The following DAO variants were observed in gnomAD, a reference collection of about 807,000 sequenced individuals.
DAO encodes the protein D-amino acid oxidase.
In DAO, 51 loss-of-function variants were observed where a neutral mutation model predicts 50.1. That is an observed-to-expected ratio of 1.02 (90% CI 0.81 to 1.29). The LOEUF (loss-of-function observed/expected upper bound fraction) is 1.29. DAO is among the 50% of genes most tolerant of loss of function. The pLI is 0.00. For synonymous variants in DAO, 160 were observed against 166.2 expected (o/e 0.96, Z 0.29); for missense variants, 436 against 439.4 (o/e 0.99, Z 0.07).
In DAO at chr12:108,897,042, C is replaced by T. The variant is rs1462805182; in HGVS notation, c.649C>T (p.His217Tyr). The T allele has an allele frequency of 6.2e-7, 1 of 1,614,058 alleles. No individual in the cohort carries two copies. Among genetic ancestry groups the T allele is most frequent in the Non-Finnish European group, 8.5e-7 (1 of 1,179,962 alleles). Reference protein sequence around the residue: ...APWMKHFILTHDPERGIYNSP... With the variant: ...APWMKHFILTYDPERGIYNSP... ...TTGGATGAAGCACTTCATTCTCACC[C>T]ATGACCCAGAGAGAGGCATCTACAA... The change falls in exon 8 of 11, where the codon CAT becomes TAT. Residue 217 changes from histidine (H) to tyrosine (Y), a missense_variant. Physicochemically the swap from His to Tyr is moderately conservative, Grantham distance 83. Coordinates refer to ENST00000228476, the MANE Select transcript of DAO (RefSeq NM_001917.5).
intron 2 of DAO, among the ~76,000 whole-genome samples, chr12:108,885,911 C>T (rs373856008): frequency 3.3e-5 from 5 of 152,252 alleles, no homozygotes; most frequent in African/African-American, 7.2e-5. Flanking sequence ...TCTGCCACCA[C>T]GCCTGGCTAA....
At chr12:108,889,728 G>A (rs1340743992) in intron 4 of DAO, among the ~76,000 whole-genome samples, 183 bp downstream of exon 4, 2 of 152,090 alleles carry the variant, frequency 1.3e-5, no homozygotes, top group Non-Finnish European at 2.9e-5. Flanking sequence ...CTTGGGCTGG[G>A]AAGGTAGGGG....
intron 5 of DAO, 99 bp downstream of exon 5, chr12:108,890,372 G>A: frequency 6.5e-6 from 6 of 917,076 alleles, no homozygotes; most frequent in Admixed American, 5.3e-5. Flanking sequence ...CTAACCCCCA[G>A]GTTTGAAGAA....
intron 6 of DAO, among the ~76,000 whole-genome samples, chr12:108,893,681 G>A (rs532880136): frequency 4.6e-5 from 7 of 152,230 alleles, no homozygotes; most frequent in East Asian, 1.9e-4. Flanking sequence ...CAATAGTAGC[G>A]TCTTGCAATG....
intron 7 of DAO, among the ~76,000 whole-genome samples, chr12:108,895,538 G>GA (rs397973061): frequency 1.3e-5 from 2 of 148,640 alleles, no homozygotes; most frequent in Admixed American, 6.8e-5. Context: ...CCATGTGAGG[G>GA]TATGTGTGTG....
intron 2 of DAO, among the ~76,000 whole-genome samples, chr12:108,885,850 G>A (rs752389338): frequency 2.0e-5 from 3 of 152,182 alleles, no homozygotes; most frequent in Non-Finnish European, 2.9e-5. Flanking sequence ...TGCCTCCCAG[G>A]TTCAAGCGAT....
At chr12:108,884,182 G>A (rs57017280) in intron 1 of DAO, among the ~76,000 whole-genome samples, 192 of 152,382 alleles carry the variant, frequency 1.3e-3, no homozygotes, top group African/African-American at 4.3e-3. Flanking sequence ...CAGACACTGC[G>A]TCTGTCATGC....
chr12:108,889,072 A>G (rs2039462305), intron 3 of DAO, among the ~76,000 whole-genome samples: 1 of 151,706 alleles, frequency 6.6e-6, no homozygotes, highest in Non-Finnish European at 1.5e-5. Context: ...ACAGTGCCTT[A>G]TATGCACTTA....
chr12:108,895,404 TGTGTGTGCATGTGTGTGAGG>T (rs2039539519), intron 7 of DAO, among the ~76,000 whole-genome samples: 1 of 145,706 alleles, frequency 6.9e-6, no homozygotes, highest in Non-Finnish European at 1.5e-5. Flanking sequence ...TATGTGAGGG[TGTGTGTGCATGTGTGTGAGG>T]GTGTGTGCAT....
intron 8 of DAO, among the ~76,000 whole-genome samples, chr12:108,898,117 T>C (rs1455479787): frequency 6.6e-6 from 1 of 152,054 alleles, no homozygotes; most frequent in Non-Finnish European, 1.5e-5. Flanking sequence ...GTATTAGGGA[T>C]AATATTGTAT....
At position 108,900,519 on chromosome 12, in the gene DAO, C is replaced by T. The variant is rs201879447; in HGVS notation, c.1028C>T (p.Pro343Leu). The T allele has an allele frequency of 3.5e-5, 57 of 1,613,944 alleles. No homozygotes were observed. The African/African-American group carries it at 6.9e-4, about 20-fold the overall frequency. ...ILEEKKLSRMPPSHL is the reference protein window; with the variant it reads ...ILEEKKLSRMLPSHL ...GAAGAAAAGAAATTGTCCAGAATGC[C>T]ACCATCCCACCTCTGAAGACTCCAG... Residue 343 changes from proline (P) to leucine (L), a missense_variant, in exon 11 of 11, where the codon CCA (proline) becomes CTA (leucine). Transcript: ENST00000228476.
chr12:108,890,627 CTCT>C (rs1202804074), intron 5 of DAO, among the ~76,000 whole-genome samples: 2 of 152,146 alleles, frequency 1.3e-5, no homozygotes, highest in Non-Finnish European at 2.9e-5. Context: ...ATCTCCCTCT[CTCT>C]TTTTTTTTCT....
intron 9 of DAO, among the ~76,000 whole-genome samples, chr12:108,899,134 A>C (rs2039594691): frequency 6.6e-6 from 1 of 152,092 alleles, no homozygotes; most frequent in African/African-American, 2.4e-5. Flanking sequence ...TGTTAAAATT[A>C]TGGTGGTGGC....
At chr12:108,890,405 G>A in intron 5 of DAO, 132 bp downstream of exon 5, 3 of 723,806 alleles carry the variant, frequency 4.1e-6, no homozygotes, top group Non-Finnish European at 4.9e-6. Context: ...TGGTGTGGGA[G>A]CTATCCTTGG....
intron 1 of DAO, among the ~76,000 whole-genome samples, chr12:108,881,396 C>T (rs2039376946): frequency 6.6e-6 from 1 of 150,436 alleles, no homozygotes; most frequent in African/African-American, 2.4e-5. Context: ...ATGATTTTAC[C>T]TAAGGCTGGA....
chr12:108,893,317 A>C (rs572882458), intron 6 of DAO, among the ~76,000 whole-genome samples: 10 of 152,276 alleles, frequency 6.6e-5, no homozygotes. Context: ...GCATTTTCTC[A>C]GTGTCAGCTG....
intron 3 of DAO, among the ~76,000 whole-genome samples, chr12:108,889,017 G>T (rs2039461838): frequency 6.6e-6 from 1 of 152,160 alleles, no homozygotes; most frequent in South Asian, 2.1e-4. Context: ...CACCCCAATG[G>T]CTTCTTGTGA....
intron 1 of DAO, among the ~76,000 whole-genome samples, chr12:108,881,164 A>T (rs1184299398): frequency 2.6e-4 from 12 of 46,446 alleles, no homozygotes; most frequent in African/African-American, 5.8e-4. Context: ...CATTCTAATC[A>T]CACACACACA....
At chr12:108,889,346 G>A in intron 3 of DAO, 123 bp from the exon 4 acceptor site, 1 of 660,924 alleles carries the variant, frequency 1.5e-6, no homozygotes, top group Non-Finnish European at 2.8e-6. Flanking sequence ...CTGACCTCAG[G>A]TGATCCACCC....
Sources: gnomAD v4.1 joint callset for allele counts (sites outside exome capture counted in the v4.1 genomes callset) on GRCh38, gnomAD v4.1.1 for gene constraint, MANE v1.5 for transcripts, NCBI Gene and HGNC (gene_info 2026-07-23, HGNC 2026-07-21) for gene names.